Variants in NETO1 observed in about 807,000 individuals in gnomAD.
The protein encoded by NETO1 is neuropilin and tolloid-like protein 1.
A neutral mutation model predicts 61.3 loss-of-function variants in NETO1; 26 were observed. The ratio of observed to expected loss-of-function variants is 0.42; its 90% CI spans 0.31 to 0.59. NETO1 has a LOEUF of 0.59. NETO1 is among the 20% of genes least tolerant of loss of function. The probability of loss-of-function intolerance (pLI) is 0.12; values close to 1 mark genes in which losing one functional copy is unlikely to be tolerated. For synonymous variants in NETO1, 225 were observed against 225.8 expected (o/e 1.00, Z 0.03); for missense variants, 531 against 662.8 (o/e 0.80, Z 2.18).
chr18:72,866,152 T>C (rs868375898), intron 1 of NETO1, among the ~76,000 whole-genome samples: 52 of 152,350 alleles, frequency 3.4e-4, no homozygotes, highest in African/African-American at 1.3e-3. Context: ...TATTTTTTCT[T>C]ATTCATTTTG....
At chr18:72,768,306 T>C (rs1378609037) in intron 7 of NETO1, among the ~76,000 whole-genome samples, 1 of 152,176 alleles carries the variant, frequency 6.6e-6, no homozygotes, top group Non-Finnish European at 1.5e-5. Context: ...AAAGAACACT[T>C]ATTCAATAGC....
chr18:72,800,106 T>C (rs1184814103), intron 4 of NETO1, among the ~76,000 whole-genome samples: 1 of 152,236 alleles, frequency 6.6e-6, no homozygotes, highest in Non-Finnish European at 1.5e-5. Context: ...TGAGCACCCA[T>C]CTCAGCTTTC....
At chr18:72,780,389 T>C (rs1158496711) in intron 7 of NETO1, among the ~76,000 whole-genome samples, 1 of 152,228 alleles carries the variant, frequency 6.6e-6, no homozygotes, top group Non-Finnish European at 1.5e-5. Context: ...CTTGAAACTC[T>C]ATTTTTTTGT....
At chr18:72,835,210 G>A (rs1401912347) in intron 4 of NETO1, 11 of 1,411,490 alleles carry the variant, frequency 7.8e-6, no homozygotes, top group Non-Finnish European at 1.0e-5. Context: ...TGTGCTTCAA[G>A]ATGGTGTTAG....
intron 4 of NETO1, among the ~76,000 whole-genome samples, chr18:72,795,074 G>A (rs554096462): frequency 6.6e-6 from 1 of 152,250 alleles, no homozygotes; most frequent in Admixed American, 6.5e-5. Context: ...GTCAAGCCCA[G>A]GCTCAGCCAC....
intron 3 of NETO1, among the ~76,000 whole-genome samples, chr18:72,861,808 G>A (rs1400670194): frequency 6.6e-6 from 1 of 152,090 alleles, no homozygotes; most frequent in Admixed American, 6.5e-5. Flanking sequence ...AATTAAATAT[G>A]TGCAATCTGC....
intron 4 of NETO1, among the ~76,000 whole-genome samples, chr18:72,825,752 T>G (rs1300484993): frequency 6.6e-6 from 1 of 152,172 alleles, no homozygotes; most frequent in African/African-American, 2.4e-5. Context: ...AAAACTCTAT[T>G]TTGTCATGTT....
At chr18:72,861,360 T>C (rs1209578207) in intron 3 of NETO1, among the ~76,000 whole-genome samples, 2 of 152,248 alleles carry the variant, frequency 1.3e-5, no homozygotes, top group Non-Finnish European at 2.9e-5. Context: ...TGCCACATAC[T>C]TATTGTGCTA....
chr18:72,794,090 A>C (rs1392148432), intron 6 of NETO1, 27 bp downstream of exon 6: 1 of 1,614,076 alleles, frequency 6.2e-7, no homozygotes, highest in African/African-American at 1.3e-5. Flanking sequence ...GTCAGCTGTC[A>C]AGTGTGGGTT....
chr18:72,779,110 A>G (rs1215152795), intron 7 of NETO1, among the ~76,000 whole-genome samples: 1 of 152,218 alleles, frequency 6.6e-6, no homozygotes, highest in Non-Finnish European at 1.5e-5. Context: ...ATATCCAGGT[A>G]CTTTCTTATT....
chr18:72,864,056 C>G (rs1331443867), intron 3 of NETO1, among the ~76,000 whole-genome samples: 1 of 151,782 alleles, frequency 6.6e-6, no homozygotes, highest in Non-Finnish European at 1.5e-5. Context: ...CCGTCTCTAC[C>G]AAAAATACAA....
At chr18:72,813,374 C>T (rs2072930350) in intron 4 of NETO1, among the ~76,000 whole-genome samples, 2 of 152,124 alleles carry the variant, frequency 1.3e-5, no homozygotes, top group African/African-American at 4.8e-5. Context: ...AACAATTCCC[C>T]CAAATAATTT....
intron 4 of NETO1, among the ~76,000 whole-genome samples, chr18:72,837,216 G>A (rs1285248630): frequency 6.6e-6 from 1 of 152,096 alleles, no homozygotes; most frequent in Non-Finnish European, 1.5e-5. Flanking sequence ...ATTCATTTGG[G>A]GATCTGGGGC....
intron 4 of NETO1, among the ~76,000 whole-genome samples, chr18:72,811,160 C>T (rs900346850): frequency 1.3e-5 from 2 of 152,134 alleles, no homozygotes; most frequent in East Asian, 1.9e-4. Flanking sequence ...TGCCTTTGCC[C>T]CTCCATCCTA....
At chr18:72,755,563 A>G (rs1168836358) in intron 8 of NETO1, among the ~76,000 whole-genome samples, 1 of 152,188 alleles carries the variant, frequency 6.6e-6, no homozygotes, top group Non-Finnish European at 1.5e-5. Flanking sequence ...GAAAGGAAGA[A>G]AAGCATTTTC....
intron 4 of NETO1, among the ~76,000 whole-genome samples, chr18:72,849,985 T>C (rs903501351): frequency 3.3e-5 from 5 of 152,224 alleles, no homozygotes; most frequent in African/African-American, 1.2e-4. Flanking sequence ...GAGAAAGCCT[T>C]GTAATTACAC....
intron 4 of NETO1, among the ~76,000 whole-genome samples, chr18:72,810,709 T>C (rs547897715): frequency 2.0e-5 from 3 of 152,318 alleles, no homozygotes; most frequent in Admixed American, 6.5e-5. Context: ...GCTCAATCTG[T>C]AGTTCCTCGC....
intron 7 of NETO1, among the ~76,000 whole-genome samples, chr18:72,757,534 A>G (rs1294830402): frequency 6.6e-6 from 1 of 152,074 alleles, no homozygotes; most frequent in Non-Finnish European, 1.5e-5. Context: ...GTTCATTTTG[A>G]CTTTATGTTC....
At chr18:72,843,051 T>C (rs953909858) in intron 4 of NETO1, among the ~76,000 whole-genome samples, 1 of 152,110 alleles carries the variant, frequency 6.6e-6, no homozygotes, top group African/African-American at 2.4e-5. Context: ...TGCTGGAAAA[T>C]TTTATGGGGA....
Sources: gnomAD v4.1 joint callset for allele counts (sites outside exome capture counted in the v4.1 genomes callset) on GRCh38, gnomAD v4.1.1 for gene constraint, MANE v1.5 for transcripts, NCBI Gene and HGNC (gene_info 2026-07-23, HGNC 2026-07-21) for gene names.